The following LIX1 variants were observed in gnomAD, a reference collection of about 807,000 sequenced individuals.
LIX1 encodes the protein limb and CNS expressed 1.
A neutral mutation model predicts 33.4 loss-of-function variants in LIX1; 24 were observed. The observed-to-expected ratio is 0.72, with a 90% CI of 0.52 to 1.01. The LOEUF is 1.01. Ranked by LOEUF, LIX1 falls within the 50% of genes least tolerant of loss-of-function variation. The pLI, the probability that LIX1 is intolerant of heterozygous loss-of-function variation, is 0.00. For missense variants in LIX1, 311 were observed against 339.2 expected, an observed-to-expected ratio of 0.92 and a Z score of 0.65; for synonymous variants, 124 against 124.0, an observed-to-expected ratio of 1.00 and a Z score of 0.00.
rs1747108622 is a variant in LIX1, at chr5:97,107,400, A to C, written c.347T>G (p.Phe116Cys). The C allele has an allele frequency of 2.5e-6, 4 of 1,612,438 alleles. No individual in the cohort carries two copies. The highest frequency in any genetic ancestry group is 1.7e-5 in the Admixed American group (1 of 60,012). Residue 116 changes from phenylalanine (F) to cysteine (C), a missense_variant, in exon 3 of 6, where the codon TTC becomes TGC. Coordinates refer to ENST00000274382, the MANE Select transcript of LIX1 (RefSeq NM_153234.5). ...ELPSRRITKE[F>C]IMESVQEAVA... is the part of the protein sequence containing the mutation. ...TGCTTCCTGAACACTTTCCATAATG[A>C]ATTCCTTGGTGATCCTGCGAGAGGG...
At chr5:97,100,931 TA>T (rs1327641152) in intron 4 of LIX1, among the ~76,000 whole-genome samples, 1 of 151,408 alleles carries the variant, frequency 6.6e-6, no homozygotes, top group Admixed American at 6.6e-5. Flanking sequence ...AATTTTTTTT[TA>T]AATAAAGGAA....
intron 2 of LIX1, among the ~76,000 whole-genome samples, chr5:97,116,516 C>T (rs1468660368): frequency 6.6e-6 from 1 of 152,104 alleles, no homozygotes; most frequent in Non-Finnish European, 1.5e-5. Context: ...ATGTTTCATG[C>T]ACATGGTGGG....
intron 4 of LIX1, among the ~76,000 whole-genome samples, chr5:97,099,097 T>A (rs1304910903): frequency 6.6e-6 from 1 of 151,186 alleles, no homozygotes; most frequent in Non-Finnish European, 1.5e-5. Flanking sequence ...GAGACCTCCC[T>A]GTCTGCACAG....
At chr5:97,112,473 C>T (rs1288646079) in intron 2 of LIX1, among the ~76,000 whole-genome samples, 3 of 152,174 alleles carry the variant, frequency 2.0e-5, no homozygotes, top group African/African-American at 7.2e-5. Flanking sequence ...TTATACAGTT[C>T]ATTCTTGCTA....
At chr5:97,105,829 T>G (rs1484585762) in intron 3 of LIX1, among the ~76,000 whole-genome samples, 1 of 152,184 alleles carries the variant, frequency 6.6e-6, no homozygotes, top group Non-Finnish European at 1.5e-5. Flanking sequence ...GGTGGGTGGG[T>G]GATGGGTAGA....
At chr5:97,131,559 C>A (rs1221208510) in intron 1 of LIX1, among the ~76,000 whole-genome samples, 3 of 152,086 alleles carry the variant, frequency 2.0e-5, no homozygotes, top group African/African-American at 7.2e-5. Context: ...CTTGTGGTAA[C>A]AATTCATCTT....
At chr5:97,103,891 G>A (rs1746865397) in intron 4 of LIX1, among the ~76,000 whole-genome samples, 1 of 151,612 alleles carries the variant, frequency 6.6e-6, no homozygotes, top group African/African-American at 2.4e-5. Flanking sequence ...CTTGAACCTG[G>A]GAGGCAGAGC....
chr5:97,136,269 G>A (rs1156257884), intron 1 of LIX1, among the ~76,000 whole-genome samples: 1 of 152,220 alleles, frequency 6.6e-6, no homozygotes, highest in Admixed American at 6.5e-5. Flanking sequence ...CGACTTTCTT[G>A]ATGCTGTCTT....
chr5:97,122,696 G>C (rs1247950100), intron 2 of LIX1, among the ~76,000 whole-genome samples: 1 of 152,034 alleles, frequency 6.6e-6, no homozygotes, highest in Non-Finnish European at 1.5e-5. Context: ...TAGATGTCTG[G>C]AAGCCACTGA....
chr5:97,118,068 A>G (rs1388020152), intron 2 of LIX1, among the ~76,000 whole-genome samples: 3 of 152,254 alleles, frequency 2.0e-5, no homozygotes, highest in Non-Finnish European at 4.4e-5. Context: ...AGCCATTTTA[A>G]CAACAAAATA....
intron 2 of LIX1, among the ~76,000 whole-genome samples, chr5:97,114,584 G>A (rs1028327767): frequency 2.6e-5 from 4 of 152,134 alleles, no homozygotes; most frequent in African/African-American, 9.7e-5. Flanking sequence ...TTAAACATGT[G>A]TATTCCTGCG....
At chr5:97,129,214 C>T (rs1748000195) in intron 1 of LIX1, among the ~76,000 whole-genome samples, 1 of 152,068 alleles carries the variant, frequency 6.6e-6, no homozygotes, top group Admixed American at 6.5e-5. Flanking sequence ...TACTCTTTTT[C>T]AAGACTTGCT....
rs1544779 is a variant in LIX1 at position 97,136,429 on chromosome 5, C to A, written c.82+6066G>T. ...TGGGCAGAATCTTACCCCCTTCATGCGAGGAAGAAAAATCAACCATTGGCA... is the reference window on the plus strand; with the variant it reads ...TGGGCAGAATCTTACCCCCTTCATGAGAGGAAGAAAAATCAACCATTGGCA... On this transcript the variant is annotated intron_variant, in intron 1 of 5. Coordinates refer to ENST00000274382, the MANE Select transcript of LIX1 (RefSeq NM_153234.5). Among the ~76,000 whole-genome samples, 1,401 of 152,222 alleles carry A rather than the reference C, an allele frequency of 9.2e-3. 35 individuals carry two copies. Among genetic ancestry groups the A allele is most frequent in the Admixed American group, 0.044 (676 of 15,294 alleles).
rs1190566348 is a variant in LIX1 at position 97,092,814 on chromosome 5, T to C, written c.*1934A>G. Reference sequence around the variant, plus strand: ...TGCCTAACTTTCATCACATCCAGCATGGGAAATTGTGGCTTTTTGGAAATG... The same window carrying C: ...TGCCTAACTTTCATCACATCCAGCACGGGAAATTGTGGCTTTTTGGAAATG... On this transcript the variant is annotated 3_prime_UTR_variant, in exon 6 of 6. Coordinates refer to ENST00000274382, the MANE Select transcript of LIX1 (RefSeq NM_153234.5). The C allele has an allele frequency of 6.6e-6, 1 of 152,340 alleles. No homozygotes were observed. The highest frequency in any genetic ancestry group is 2.4e-5 in the African/African-American group (1 of 41,448). 9.4% of individuals were successfully genotyped at this position (152,340 alleles called of 1,614,324 possible). A position where few individuals can be genotyped will look rare whatever the true frequency, so the allele number is the denominator to read the frequency against.
At chr5:97,134,264 C>T (rs1019319392) in intron 1 of LIX1, among the ~76,000 whole-genome samples, 8 of 152,290 alleles carry the variant, frequency 5.3e-5, no homozygotes, top group Middle Eastern at 3.4e-3. Context: ...GAAGTACAGG[C>T]GCCTGCCACC....
At chr5:97,142,394 A>G in intron 1 of LIX1, 101 bp downstream of exon 1, 1 of 781,738 alleles carries the variant, frequency 1.3e-6, no homozygotes, top group Non-Finnish European at 2.2e-6. Flanking sequence ...ACAGCATACG[A>G]CTGCAGAGAT....
intron 1 of LIX1, among the ~76,000 whole-genome samples, chr5:97,125,884 G>A (rs73775680): frequency 2.6e-4 from 39 of 152,320 alleles, no homozygotes; most frequent in African/African-American, 8.4e-4. Flanking sequence ...TTCTGGAGCC[G>A]TAGGAGGTAA....
chr5:97,098,103 G>C (rs897286976), intron 4 of LIX1, among the ~76,000 whole-genome samples: 4 of 152,172 alleles, frequency 2.6e-5, no homozygotes, highest in Non-Finnish European at 4.4e-5. Context: ...CAGCTAGATC[G>C]TTAAACTAAA....
chr5:97,106,288 C>T (rs138319038), intron 3 of LIX1, among the ~76,000 whole-genome samples: 1 of 152,340 alleles, frequency 6.6e-6, no homozygotes, highest in African/African-American at 2.4e-5. Context: ...ATAAAGGCTT[C>T]CTTTCATCCT....
Sources: allele counts gnomAD v4.1 joint callset (sites outside exome capture counted in the v4.1 genomes callset), GRCh38; gene constraint gnomAD v4.1.1; transcripts MANE v1.5; gene names NCBI Gene and HGNC (gene_info 2026-07-23, HGNC 2026-07-21).